The following PASD1 variants were observed in gnomAD, a reference collection of about 807,000 sequenced individuals.
The protein encoded by PASD1 is circadian clock protein PASD1.
In PASD1, 13 loss-of-function variants were observed where a neutral mutation model predicts 58.8. The observed-to-expected ratio is 0.22, with a 90% CI of 0.14 to 0.35. The LOEUF (loss-of-function observed/expected upper bound fraction) is 0.35. Ranked by LOEUF, PASD1 falls within the 10% of genes least tolerant of loss-of-function variation. PASD1 has a pLI of 1.00. For synonymous variants in PASD1, 236 were observed against 216.7 expected, an observed-to-expected ratio of 1.09 and a Z score of -0.78; for missense variants, 734 against 568.3, an observed-to-expected ratio of 1.29 and a Z score of -2.96.
intron 11 of PASD1, among the ~76,000 whole-genome samples, chrX:151,665,624 A>G (rs1378389597): frequency 9.0e-6 from 1 of 111,706 alleles, no homozygotes; most frequent in Non-Finnish European, 1.9e-5. Flanking sequence ...AAAGTGGAAG[A>G]TATGGTTCCA....
At chrX:151,624,055 T>C (rs962176420) in intron 7 of PASD1, among the ~76,000 whole-genome samples, 5 of 111,445 alleles carry the variant, frequency 4.5e-5, no homozygotes, top group African/African-American at 6.5e-5. Flanking sequence ...TTTTTAAAGG[T>C]CAGGCTGAAT....
intron 3 of PASD1, among the ~76,000 whole-genome samples, chrX:151,605,368 C>T (rs773097083): frequency 2.0e-4 from 22 of 111,247 alleles, no homozygotes; most frequent in Admixed American, 1.7e-3. Flanking sequence ...TATAGTACAG[C>T]GTTTGGCAAT....
In PASD1 at chrX:151,569,326, C is replaced by T. The variant is rs1438183234; in HGVS notation, c.-28+5487C>T. Among the ~76,000 whole-genome samples the T allele has an allele frequency of 5.4e-5, 6 of 112,033 alleles. 1 individual carries two copies. Among genetic ancestry groups the T allele is most frequent in the South Asian group, 7.4e-4 (2 of 2,695 alleles). On this transcript the variant is annotated intron_variant, in intron 1 of 15. Transcript: ENST00000370357. Reference sequence around the variant, plus strand: ...TAGGGCTGTTTACTCTTTTCCGTCTCCCATATCAGCCTCCTTTGCCAATCA... The same window carrying T: ...TAGGGCTGTTTACTCTTTTCCGTCTTCCATATCAGCCTCCTTTGCCAATCA...
rs1246137820 is a variant in PASD1 at position 151,653,751 on chromosome X, CTTCTTTCTTTCT to C, written c.717+5089_717+5100del. ...TTCTCTCTCTCTCTTTCTTTCCTTC[CTTCTTTCTTTCT>C]TTCTTTCTTTCTTTCTTTCTTTCTT... On this transcript the variant is annotated intron_variant, in intron 9 of 15. Transcript: ENST00000370357. Among the ~76,000 whole-genome samples, 93 of 16,966 alleles carry C rather than the reference CTTCTTTCTTTCT, an allele frequency of 5.5e-3. 2 individuals carry two copies. The highest frequency in any genetic ancestry group is 0.011 in the African/African-American group (76 of 7,158). The allele number at this position is 16,966 out of a possible 115,157, so 14.7% of individuals were successfully genotyped here.
chrX:151,675,846 T>G, intron 15 of PASD1, 151 bp from the exon 16 acceptor site: 3 of 592,151 alleles, frequency 5.1e-6, no homozygotes, highest in South Asian at 2.9e-5. Context: ...CTTCTGTAGC[T>G]CCTCCGTCTC....
At chrX:151,648,761 T>A in intron 9 of PASD1, 59 bp downstream of exon 9, 1 of 1,141,443 alleles carries the variant, frequency 8.8e-7, no homozygotes, top group East Asian at 3.0e-5. Flanking sequence ...TGATGTTGAT[T>A]ATTTAGTTAA....
chrX:151,639,309 A>C (rs1264082436), intron 8 of PASD1, among the ~76,000 whole-genome samples: 1 of 111,977 alleles, frequency 8.9e-6, no homozygotes, highest in Non-Finnish European at 1.9e-5. Context: ...TTTTAACTTT[A>C]TAGTTATCTC....
At chrX:151,590,374 A>C (rs759399246) in intron 1 of PASD1, among the ~76,000 whole-genome samples, 1 of 111,385 alleles carries the variant, frequency 9.0e-6, no homozygotes, top group South Asian at 3.8e-4. Context: ...CTAGTCCCCT[A>C]GGTTTGCATT....
At chrX:151,618,897 A>G (rs1398753008) in intron 4 of PASD1, among the ~76,000 whole-genome samples, 1 of 111,446 alleles carries the variant, frequency 9.0e-6, no homozygotes, top group Non-Finnish European at 1.9e-5. Flanking sequence ...GAACCAGAAT[A>G]TAGAGTGGTG....
chrX:151,675,336 C>G (rs934049638), intron 15 of PASD1, among the ~76,000 whole-genome samples: 1 of 111,618 alleles, frequency 9.0e-6, no homozygotes, highest in Non-Finnish European at 1.9e-5. Context: ...CTGGCTTATC[C>G]CTACTGCCTT....
intron 1 of PASD1, among the ~76,000 whole-genome samples, chrX:151,588,419 G>A (rs1479247620): frequency 8.9e-6 from 1 of 111,872 alleles, no homozygotes; most frequent in Non-Finnish European, 1.9e-5. Flanking sequence ...ACCTTCTCTG[G>A]TTTTCTTTAA....
At chrX:151,604,859 A>T in intron 3 of PASD1, 125 bp downstream of exon 3, 1 of 541,029 alleles carries the variant, frequency 1.8e-6, no homozygotes, top group Admixed American at 3.6e-5. Context: ...GGAGCTTGAT[A>T]ACTTAAATCG....
rs749459940 is a variant in PASD1 at position 151,636,945 on chromosome X, C to T, written c.629+11415C>T. Reference sequence around the variant, plus strand: ...AACCCATTTCAACCACTGATCTATACTTCATCCTTATAGTTTTGTGTTTTT... The same window carrying T: ...AACCCATTTCAACCACTGATCTATATTTCATCCTTATAGTTTTGTGTTTTT... On this transcript the variant is annotated intron_variant, in intron 8 of 15. Transcript: ENST00000370357. Among the ~76,000 whole-genome samples the T allele has an allele frequency of 9.3e-4, 104 of 111,900 alleles. 1 individual carries two copies. Among genetic ancestry groups the T allele is most frequent in the Non-Finnish European group, 1.6e-3 (83 of 53,225 alleles).
chrX:151,571,700 TTGA>T (rs1356629669), intron 1 of PASD1, among the ~76,000 whole-genome samples: 4 of 112,114 alleles, frequency 3.6e-5, no homozygotes. Context: ...GAACCTAAAG[TTGA>T]TGACTTTTCT....
chrX:151,659,464 A>G (rs1233720104), intron 9 of PASD1, among the ~76,000 whole-genome samples: 1 of 112,337 alleles, frequency 8.9e-6, no homozygotes, highest in East Asian at 2.8e-4. Flanking sequence ...TTTTAGTGTT[A>G]TGTATACTGT....
intron 1 of PASD1, among the ~76,000 whole-genome samples, chrX:151,591,007 A>G (rs759593487): frequency 2.7e-4 from 30 of 112,242 alleles, no homozygotes; most frequent in Admixed American, 1.1e-3. Context: ...TTTCAGGAAC[A>G]TTAGCAACAG....
intron 9 of PASD1, among the ~76,000 whole-genome samples, chrX:151,655,269 T>C (rs1274743115): frequency 9.3e-6 from 1 of 107,357 alleles, no homozygotes; most frequent in Non-Finnish European, 2.0e-5. Flanking sequence ...GACATTTGGG[T>C]TGGTTCCTAG....
At chrX:151,572,792 T>C (rs1220394234) in intron 1 of PASD1, among the ~76,000 whole-genome samples, 1 of 108,172 alleles carries the variant, frequency 9.2e-6, no homozygotes, top group African/African-American at 3.4e-5. Context: ...GGAATGGCTA[T>C]CTCCATATTA....
intron 9 of PASD1, among the ~76,000 whole-genome samples, chrX:151,657,733 G>A (rs1311819665): frequency 4.5e-5 from 5 of 110,791 alleles, no homozygotes; most frequent in South Asian, 7.7e-4. Context: ...TATTGCGTCT[G>A]TTAGATTCTT....
Sources: gnomAD v4.1 joint callset for allele counts (sites outside exome capture counted in the v4.1 genomes callset) on GRCh38, gnomAD v4.1.1 for gene constraint, MANE v1.5 for transcripts, NCBI Gene and HGNC (gene_info 2026-07-23, HGNC 2026-07-21) for gene names.